The following PLCG2 variants were observed in gnomAD, a reference collection of about 807,000 sequenced individuals.
PLCG2 encodes phospholipase C gamma 2.
A neutral mutation model predicts 175.6 loss-of-function variants in PLCG2; 69 were observed. The observed-to-expected ratio is 0.39, with a 90% CI of 0.32 to 0.48. The LOEUF (loss-of-function observed/expected upper bound fraction) is 0.48. Ranked by LOEUF, PLCG2 falls within the 20% of genes least tolerant of loss-of-function variation. The pLI is 0.91. For synonymous variants in PLCG2, 827 were observed against 624.0 expected (o/e 1.33, Z -4.85); for missense variants, 1,798 against 1,650.9 (o/e 1.09, Z -1.54).
intron 1 of PLCG2, among the ~76,000 whole-genome samples, chr16:81,780,886 G>T (rs1281920114): frequency 6.6e-6 from 1 of 152,088 alleles, no homozygotes; most frequent in African/African-American, 2.4e-5. Flanking sequence ...AATTACCTGG[G>T]CGTGGTGGTG....
chr16:81,948,736 G>T (rs950018623), intron 31 of PLCG2, among the ~76,000 whole-genome samples: 1 of 152,212 alleles, frequency 6.6e-6, no homozygotes, highest in Admixed American at 6.5e-5. Flanking sequence ...ATCAGCTAAA[G>T]TTGGTCAGTT....
At chr16:81,741,434 C>G (rs58110576) in intron 1 of PLCG2, among the ~76,000 whole-genome samples, 8 of 151,866 alleles carry the variant, frequency 5.3e-5, no homozygotes, top group Non-Finnish European at 1.2e-4. Context: ...TTTTTTCCGT[C>G]AAAAATTTTT....
chr16:81,832,185 C>T (rs1040133742), intron 2 of PLCG2, among the ~76,000 whole-genome samples: 11 of 152,146 alleles, frequency 7.2e-5, no homozygotes, highest in Non-Finnish European at 1.2e-4. Flanking sequence ...CAGTGCCTGA[C>T]TCATGGTGAA....
chr16:81,858,466 T>C, intron 4 of PLCG2, 110 bp downstream of exon 4: 1 of 774,540 alleles, frequency 1.3e-6, no homozygotes, highest in Non-Finnish European at 2.3e-6. Context: ...CATTGGTTTT[T>C]TGAGGCTCGT....
chr16:81,897,483 C>T (rs1447110487), intron 13 of PLCG2, among the ~76,000 whole-genome samples: 1 of 151,966 alleles, frequency 6.6e-6, no homozygotes, highest in Admixed American at 6.6e-5. Context: ...CTGCACCTGG[C>T]ATAGAGTAAC....
intron 2 of PLCG2, among the ~76,000 whole-genome samples, chr16:81,799,348 A>G (rs1911618416): frequency 6.6e-6 from 1 of 152,150 alleles, no homozygotes; most frequent in Non-Finnish European, 1.5e-5. Flanking sequence ...TTTGTAATGT[A>G]CTTTAGTAAT....
At position 81,919,646 on chromosome 16, in the gene PLCG2, C is replaced by G. The variant is rs760624627; in HGVS notation, c.2217C>G (p.Leu739=). Residue 739 remains leucine (L), a synonymous_variant, in exon 20 of 33, where the codon CTC becomes CTG. Coordinates refer to ENST00000564138, the MANE Select transcript of PLCG2 (RefSeq NM_002661.5). The part of the protein sequence containing the change: ...MRLRYPVTPE[L]LERYNMERDI... Reference sequence around the variant, plus strand: ...TGCGCTACCCCGTGACCCCCGAGCTCCTGGAGCGCTACAATATGGTAGGTG... The same window carrying G: ...TGCGCTACCCCGTGACCCCCGAGCTGCTGGAGCGCTACAATATGGTAGGTG... The G allele has an allele frequency of 1.9e-6, 3 of 1,613,766 alleles. No individual in the cohort carries two copies. The highest frequency in any genetic ancestry group is 1.3e-5 in the African/African-American group (1 of 74,888).
At chr16:81,817,352 G>A (rs1904597046) in intron 2 of PLCG2, among the ~76,000 whole-genome samples, 2 of 152,256 alleles carry the variant, frequency 1.3e-5, no homozygotes, top group Admixed American at 1.3e-4. Context: ...TGCGTGTGAA[G>A]CACCTATCTT....
At position 81,903,008 on chromosome 16, in the gene PLCG2, G is replaced by A. The variant is rs534471272; in HGVS notation, c.1362+2228G>A. On this transcript the variant is annotated intron_variant, in intron 14 of 32. Coordinates refer to ENST00000564138, the MANE Select transcript of PLCG2 (RefSeq NM_002661.5). Reference sequence around the variant, plus strand: ...ACTGGGTTCCTCCTATGACACGTGGGAATTATAGGAGCTGCAATTCAAGGT... The same window carrying A: ...ACTGGGTTCCTCCTATGACACGTGGAAATTATAGGAGCTGCAATTCAAGGT... 2.6e-5 allele frequency among the ~76,000 whole-genome samples: 4 copies of A among 152,284 alleles called. No homozygotes were observed. The South Asian group carries it at 8.3e-4, about 32-fold the overall frequency.
intron 21 of PLCG2, 87 bp downstream of exon 21, chr16:81,921,356 G>A (rs1364580405): frequency 1.1e-6 from 1 of 911,650 alleles, no homozygotes. Context: ...GTTATAACAG[G>A]GCAAGGGAAG....
At position 81,958,364 on chromosome 16, in the gene PLCG2, C is replaced by T. The variant is rs1431910558; in HGVS notation, c.*366C>T. 2.3e-5 allele frequency: 6 copies of T among 266,212 alleles called. No homozygotes were observed. The highest frequency in any genetic ancestry group is 3.6e-5 in the Non-Finnish European group (5 of 139,868). The allele number at this position is 266,212 out of a possible 1,614,324, so 16.5% of individuals were successfully genotyped here. A position where few individuals can be genotyped will look rare whatever the true frequency, so the allele number is the denominator to read the frequency against. ...TCTTTTCTGGCCAAGAAGATTCTAC[C>T]TCTAATGATCCAGGTAACTGATGTC... is the stretch of plus-strand genomic sequence containing the variant. On this transcript the variant is annotated 3_prime_UTR_variant, in exon 33 of 33. Coordinates refer to ENST00000564138, the MANE Select transcript of PLCG2 (RefSeq NM_002661.5).
At chr16:81,915,638 C>A (rs938385616) in intron 19 of PLCG2, among the ~76,000 whole-genome samples, 1 of 152,168 alleles carries the variant, frequency 6.6e-6, no homozygotes, top group Non-Finnish European at 1.5e-5. Flanking sequence ...GACAGCTTAC[C>A]CTGAATAAGC....
chr16:81,801,882 T>A (rs1260753750), intron 2 of PLCG2, among the ~76,000 whole-genome samples: 1 of 151,974 alleles, frequency 6.6e-6, no homozygotes, highest in Non-Finnish European at 1.5e-5. Context: ...GGTTTCACTA[T>A]GTTGGTCAGG....
At chr16:81,766,296 A>G (rs1910147982) in intron 2 of PLCG2, among the ~76,000 whole-genome samples, 1 of 152,062 alleles carries the variant, frequency 6.6e-6, no homozygotes, top group Non-Finnish European at 1.5e-5. Context: ...AGGGGAAGCC[A>G]CTCTGTTTCT....
At chr16:81,899,289 T>TATATATACACACACACAC (rs908648451) in intron 13 of PLCG2, among the ~76,000 whole-genome samples, 13 of 92,420 alleles carry the variant, frequency 1.4e-4, no homozygotes, top group African/African-American at 4.5e-4. Flanking sequence ...TATATATATA[T>TATATATACACACACACAC]ACACACACAC....
intron 2 of PLCG2, among the ~76,000 whole-genome samples, chr16:81,758,898 G>A (rs1420132998): frequency 3.3e-5 from 5 of 151,830 alleles, no homozygotes; most frequent in South Asian, 4.2e-4. Context: ...GGCTGGTCTC[G>A]AACTCCTGAC....
intron 2 of PLCG2, among the ~76,000 whole-genome samples, chr16:81,805,624 C>T (rs1217969384): frequency 6.6e-6 from 1 of 151,914 alleles, no homozygotes; most frequent in Non-Finnish European, 1.5e-5. Flanking sequence ...CCTCACACCC[C>T]CTTCCCCCAC....
At chr16:81,805,116 G>C (rs1911934506) in intron 2 of PLCG2, among the ~76,000 whole-genome samples, 1 of 152,132 alleles carries the variant, frequency 6.6e-6, no homozygotes, top group African/African-American at 2.4e-5. Context: ...TAGGTTAAGA[G>C]GTTAACAAGA....
chr16:81,751,910 T>C (rs1258328957), intron 1 of PLCG2, among the ~76,000 whole-genome samples: 2 of 152,006 alleles, frequency 1.3e-5, no homozygotes, highest in Non-Finnish European at 2.9e-5. Flanking sequence ...TAATCTTAGC[T>C]ACTCGGGAGG....
Sources: allele counts gnomAD v4.1 joint callset (sites outside exome capture counted in the v4.1 genomes callset), GRCh38; gene constraint gnomAD v4.1.1; transcripts MANE v1.5; gene names NCBI Gene and HGNC (gene_info 2026-07-23, HGNC 2026-07-21).